Variants in BACH2 observed in about 807,000 individuals in gnomAD.
The protein encoded by BACH2 is BACH transcriptional regulator 2.
In BACH2, 5 loss-of-function variants were observed where a neutral mutation model predicts 61.8. That is an observed-to-expected ratio of 0.08 (90% confidence interval 0.04 to 0.17). The LOEUF (loss-of-function observed/expected upper bound fraction) is 0.17, where lower values mean the gene tolerates loss of function less well. BACH2 is among the 10% of genes least tolerant of loss of function. The pLI is 1.00. For missense variants in BACH2, 824 were observed against 1,091.1 expected (o/e 0.76, Z 3.45); for synonymous variants, 446 against 440.1 (o/e 1.01, Z -0.17).
At chr6:90,261,072 C>T (rs1771142186) in intron 2 of BACH2, among the ~76,000 whole-genome samples, 1 of 152,198 alleles carries the variant, frequency 6.6e-6, no homozygotes. Flanking sequence ...GTCAACTACG[C>T]TTCTAGCTGT....
chr6:90,088,522 A>G (rs907841412), intron 5 of BACH2, among the ~76,000 whole-genome samples: 1 of 136,236 alleles, frequency 7.3e-6, no homozygotes, highest in Non-Finnish European at 1.5e-5. Context: ...CAAAGCATTA[A>G]ATTTCTTAAT....
At position 90,296,790 on chromosome 6, in the gene BACH2, T is replaced by G. The variant is rs921063829; in HGVS notation, c.-756A>C. On this transcript the variant is annotated 5_prime_UTR_variant, in exon 1 of 9. Coordinates refer to ENST00000257749, the MANE Select transcript of BACH2 (RefSeq NM_021813.4). ...CAGCCCGGGCGTGCACGGCCGCTGC[T>G]GCCGCTGCTGCTGCTGCTGCTGCTG... is the stretch of plus-strand genomic sequence containing the variant. 7 of 173,322 alleles carry G rather than the reference T, an allele frequency of 4.0e-5. No individual in the cohort carries two copies. The highest frequency in any genetic ancestry group is 2.4e-5 in the African/African-American group (1 of 41,162). 10.7% of individuals were successfully genotyped at this position (173,322 alleles called of 1,614,324 possible).
At chr6:90,130,228 G>A (rs1784033411) in intron 4 of BACH2, among the ~76,000 whole-genome samples, 2 of 152,132 alleles carry the variant, frequency 1.3e-5, no homozygotes, top group South Asian at 2.1e-4. Context: ...CTGGTGTGAT[G>A]AGATGCAGTG....
chr6:90,094,672 T>C (rs1055748517), intron 4 of BACH2, among the ~76,000 whole-genome samples: 1 of 152,198 alleles, frequency 6.6e-6, no homozygotes, highest in Non-Finnish European at 1.5e-5. Flanking sequence ...ATATTATCAC[T>C]GGAGGTAAAA....
At chr6:90,191,343 C>A (rs564426166) in intron 4 of BACH2, among the ~76,000 whole-genome samples, 1 of 152,288 alleles carries the variant, frequency 6.6e-6, no homozygotes, top group South Asian at 2.1e-4. Flanking sequence ...TAAACTGTCA[C>A]CGAGTAAAAG....
chr6:89,952,163 A>C, intron 6 of BACH2: 11 of 355,828 alleles, frequency 3.1e-5, no homozygotes, highest in East Asian at 5.8e-5. Context: ...CCTGGCAAAA[A>C]TGCACGGTGA....
At chr6:89,997,354 G>C (rs1182678757) in intron 6 of BACH2, among the ~76,000 whole-genome samples, 1 of 152,174 alleles carries the variant, frequency 6.6e-6, no homozygotes, top group Non-Finnish European at 1.5e-5. Flanking sequence ...TCTTCCCTTA[G>C]TAACTTCAGT....
In BACH2 at chr6:89,950,258, TG is replaced by T. The variant is rs1773996676; in HGVS notation, c.1836+11del. 6.2e-7 allele frequency: 1 copy of T among 1,614,008 alleles called. No homozygotes were observed. Among genetic ancestry groups the T allele is most frequent in the South Asian group, 1.1e-5 (1 of 91,062 alleles). ...AGTGGGTCACATGCTTGAATTTATG[TG>T]GGTTCCCTACCTCCTGGCCCCTGTC... On this transcript the variant is annotated intron_variant, in intron 7 of 8. Coordinates refer to ENST00000257749, the MANE Select transcript of BACH2 (RefSeq NM_021813.4). The surrounding 1 kb of genome is among the most constrained non-coding windows in gnomAD (Gnocchi z 5.3).
At chr6:90,246,749 T>C (rs979871747) in intron 3 of BACH2, among the ~76,000 whole-genome samples, 3 of 152,184 alleles carry the variant, frequency 2.0e-5, no homozygotes, top group African/African-American at 7.2e-5. Flanking sequence ...TACAATCTGA[T>C]TTACAAAATC....
chr6:90,278,208 C>T (rs1771753611), intron 1 of BACH2, among the ~76,000 whole-genome samples: 1 of 152,220 alleles, frequency 6.6e-6, no homozygotes, highest in South Asian at 2.1e-4. Flanking sequence ...GCTCACAGTT[C>T]AATCCATCTC....
intron 4 of BACH2, among the ~76,000 whole-genome samples, chr6:90,103,083 C>A (rs1782748701): frequency 8.5e-6 from 1 of 117,018 alleles, no homozygotes; most frequent in Non-Finnish European, 1.7e-5. Context: ...GGTTCAAAAA[C>A]TGATTTCTAG....
chr6:89,963,046 T>C (rs898762271), intron 6 of BACH2, among the ~76,000 whole-genome samples: 2 of 152,042 alleles, frequency 1.3e-5, no homozygotes, highest in Admixed American at 1.3e-4. Context: ...AACAGCAAAA[T>C]ATAAAATAAC....
intron 3 of BACH2, among the ~76,000 whole-genome samples, chr6:90,226,936 T>G (rs1168887565): frequency 1.3e-5 from 2 of 152,248 alleles, no homozygotes; most frequent in African/African-American, 4.8e-5. Flanking sequence ...AAGTATGCAT[T>G]GACTAGGATT....
At chr6:90,094,218 T>C (rs1782291346) in intron 4 of BACH2, among the ~76,000 whole-genome samples, 1 of 152,172 alleles carries the variant, frequency 6.6e-6, no homozygotes, top group Non-Finnish European at 1.5e-5. Context: ...TACCAATTAG[T>C]TGTGAAATGA....
intron 6 of BACH2, among the ~76,000 whole-genome samples, chr6:89,961,764 C>T (rs548686086): frequency 2.0e-4 from 30 of 152,124 alleles, no homozygotes; most frequent in South Asian, 6.2e-4. Context: ...ACACTGCCTG[C>T]GACTACACCC....
chr6:90,214,056 G>GA (rs376665277), intron 3 of BACH2, among the ~76,000 whole-genome samples: 7 of 151,698 alleles, frequency 4.6e-5, no homozygotes, highest in African/African-American at 1.5e-4. Context: ...CACTTTAGAA[G>GA]AAAAAAAACT....
At chr6:90,295,993 G>A (rs1772355896) in intron 1 of BACH2, among the ~76,000 whole-genome samples, 1 of 152,178 alleles carries the variant, frequency 6.6e-6, no homozygotes, top group African/African-American at 2.4e-5. Context: ...CGAGGGTTAA[G>A]GAGGAGGCCG....
chr6:90,258,909 C>T (rs902811084), intron 2 of BACH2, among the ~76,000 whole-genome samples: 4 of 152,126 alleles, frequency 2.6e-5, no homozygotes, highest in African/African-American at 9.7e-5. Flanking sequence ...GTTGATTTTG[C>T]ACCCCACAGC....
At chr6:90,060,230 A>G (rs1780613481) in intron 5 of BACH2, among the ~76,000 whole-genome samples, 1 of 151,936 alleles carries the variant, frequency 6.6e-6, no homozygotes, top group Non-Finnish European at 1.5e-5. Flanking sequence ...CTCTTTAAAC[A>G]TTGTCTCATC....
Sources: gnomAD v4.1 joint callset for allele counts (sites outside exome capture counted in the v4.1 genomes callset) on GRCh38, gnomAD v4.1.1 for gene constraint, Gnocchi (gnomAD v3.1) non-coding constraint, MANE v1.5 for transcripts, NCBI Gene and HGNC (gene_info 2026-07-23, HGNC 2026-07-21) for gene names.